Variants in PLSCR4 observed in about 807,000 individuals in gnomAD.
PLSCR4 encodes Ca(2+)-dependent phospholipid scramblase 4.
A neutral mutation model predicts 36.3 loss-of-function variants in PLSCR4; 25 were observed. The observed-to-expected ratio is 0.69, with a 90% CI of 0.50 to 0.96. The LOEUF (loss-of-function observed/expected upper bound fraction) is 0.96, where lower values mean the gene tolerates loss of function less well. PLSCR4 is among the 40% of genes least tolerant of loss of function. PLSCR4 has a pLI of 0.00. For synonymous variants in PLSCR4, 122 were observed against 132.9 expected, an observed-to-expected ratio of 0.92 and a Z score of 0.56; for missense variants, 408 against 414.7, an observed-to-expected ratio of 0.98 and a Z score of 0.14.
At chr3:146,203,443 T>C (rs1037154969) in intron 4 of PLSCR4, among the ~76,000 whole-genome samples, 3 of 152,150 alleles carry the variant, frequency 2.0e-5, no homozygotes, top group African/African-American at 7.2e-5. Flanking sequence ...TTTTTAGCTA[T>C]GAAAGTCCTA....
intron 1 of PLSCR4, among the ~76,000 whole-genome samples, chr3:146,229,935 T>A (rs527758241): frequency 6.6e-6 from 1 of 152,192 alleles, no homozygotes; most frequent in Non-Finnish European, 1.5e-5. Flanking sequence ...ATTTTTATCC[T>A]TTATAATAAA....
intron 1 of PLSCR4, among the ~76,000 whole-genome samples, chr3:146,244,901 T>C (rs2036283015): frequency 6.6e-6 from 1 of 152,092 alleles, no homozygotes; most frequent in African/African-American, 2.4e-5. Flanking sequence ...CTAGGCAACG[T>C]AAATTGAAAA....
intron 4 of PLSCR4, among the ~76,000 whole-genome samples, chr3:146,203,046 C>T (rs993451763): frequency 6.6e-6 from 1 of 151,944 alleles, no homozygotes; most frequent in African/African-American, 2.4e-5. Context: ...TTCTCCCAAA[C>T]ACCTGTTAAT....
At chr3:146,212,911 G>A (rs1559908953) in intron 3 of PLSCR4, among the ~76,000 whole-genome samples, 1 of 152,044 alleles carries the variant, frequency 6.6e-6, no homozygotes, top group African/African-American at 2.4e-5. Context: ...TTTCTTAAGT[G>A]TTTTTATCAT....
At chr3:146,241,975 C>A (rs1287070237) in intron 1 of PLSCR4, among the ~76,000 whole-genome samples, 1 of 152,122 alleles carries the variant, frequency 6.6e-6, no homozygotes, top group Non-Finnish European at 1.5e-5. Context: ...CAGACTGCAA[C>A]TTGATTTGAG....
chr3:146,238,352 C>T (rs978575265), intron 1 of PLSCR4, among the ~76,000 whole-genome samples: 1 of 151,842 alleles, frequency 6.6e-6, no homozygotes, highest in South Asian at 2.1e-4. Flanking sequence ...GACAACACAA[C>T]AAAACTACAC....
chr3:146,206,829 G>GC, intron 3 of PLSCR4, 68 bp from the exon 4 acceptor site: 3 of 940,778 alleles, frequency 3.2e-6, no homozygotes, highest in Non-Finnish European at 4.9e-6. Context: ...TTTTACATGC[G>GC]ATGAAATAGA....
chr3:146,238,268 G>A (rs538572104), intron 1 of PLSCR4, among the ~76,000 whole-genome samples: 1 of 150,466 alleles, frequency 6.6e-6, no homozygotes, highest in South Asian at 2.1e-4. Context: ...AATAAGGAAT[G>A]AATATCAACC....
chr3:146,194,418 G>A lies in PLSCR4; in HGVS notation c.983C>T (p.Ser328Leu). Residue 328 changes from serine to leucine, a missense_variant, in exon 9 of 9, where the codon TCA becomes TTA. Coordinates refer to ENST00000354952, the MANE Select transcript of PLSCR4 (RefSeq NM_020353.3). Reference sequence around the variant, plus strand: ...ATGGCTTGCTGTGTCTCTCTATCTTGAACGTTGTGGTGGAGATCTTTCAAA... The same window carrying A: ...ATGGCTTGCTGTGTCTCTCTATCTTAAACGTTGTGGTGGAGATCTTTCAAA... ...MYFERSPPQRSR is the reference protein window; with the variant it reads ...MYFERSPPQRLR The A allele has an allele frequency of 6.2e-7, 1 of 1,607,684 alleles. No individual in the cohort carries two copies. The highest frequency in any genetic ancestry group is 8.5e-7 in the Non-Finnish European group (1 of 1,174,408).
intron 1 of PLSCR4, among the ~76,000 whole-genome samples, chr3:146,243,259 A>G (rs1389728815): frequency 3.3e-5 from 5 of 152,018 alleles, no homozygotes; most frequent in Non-Finnish European, 5.9e-5. Context: ...TTATACTTTA[A>G]GTTTTAGGGT....
rs1576492433 is a variant in PLSCR4 at position 146,235,914 on chromosome 3, G to A, written c.-21-13822C>T. On this transcript the variant is annotated intron_variant, in intron 1 of 8. Transcript: ENST00000354952. ...GTGAGACTTTGAACTCGGGAATGAT[G>A]ATTTCGGGTAACTAGCAGAAGAAAT... Among the ~76,000 whole-genome samples the A allele has an allele frequency of 1.3e-5, 2 of 152,232 alleles. 1 individual carries two copies. Among genetic ancestry groups the A allele is most frequent in the Middle Eastern group, 6.8e-3 (2 of 294 alleles).
intron 3 of PLSCR4, among the ~76,000 whole-genome samples, chr3:146,213,893 T>C (rs1430959381): frequency 3.9e-5 from 6 of 152,134 alleles, no homozygotes; most frequent in Non-Finnish European, 7.4e-5. Flanking sequence ...ATTCCTGATT[T>C]TAGTAATATG....
intron 1 of PLSCR4, among the ~76,000 whole-genome samples, chr3:146,226,276 C>A (rs938955372): frequency 6.6e-6 from 1 of 152,118 alleles, no homozygotes; most frequent in Non-Finnish European, 1.5e-5. Flanking sequence ...TATTTATATG[C>A]ATTGCATTAT....
chr3:146,208,221 A>T (rs575044164), intron 3 of PLSCR4, among the ~76,000 whole-genome samples: 1 of 152,324 alleles, frequency 6.6e-6, no homozygotes, highest in East Asian at 1.9e-4. Context: ...ATAATTGGCT[A>T]GCCACATGTA....
intron 1 of PLSCR4, among the ~76,000 whole-genome samples, chr3:146,237,051 A>G (rs34786970): frequency 6.6e-6 from 1 of 150,466 alleles, no homozygotes; most frequent in South Asian, 2.1e-4. Flanking sequence ...AAAAGAAAAG[A>G]AAAAAAAGAG....
chr3:146,214,351 C>A lies in PLSCR4; in HGVS notation c.118+6464G>T, dbSNP rs1177805570. Among the ~76,000 whole-genome samples the A allele has an allele frequency of 1.8e-4, 2 of 11,268 alleles. 1 individual carries two copies. Among genetic ancestry groups the A allele is most frequent in the Admixed American group, 1.6e-3 (2 of 1,248 alleles). The allele number at this position is 11,268 out of a possible 152,430, so 7.4% of individuals were successfully genotyped here. On this transcript the variant is annotated intron_variant, in intron 3 of 8. Coordinates refer to ENST00000354952, the MANE Select transcript of PLSCR4 (RefSeq NM_020353.3). ...TTTTAGCCGGGATGGTCTCGATCTC[C>A]TGACCTCGTGATCCGCCCGCCTTGG...
Position 146,196,678 on chromosome 3 carries a change from C to A in PLSCR4, c.740G>T (p.Arg247Leu). 3 of 1,613,998 alleles carry A rather than the reference C, an allele frequency of 1.9e-6. No individual in the cohort carries two copies. Among genetic ancestry groups the A allele is most frequent in the South Asian group, 1.1e-5 (1 of 91,080 alleles). Residue 247 changes from arginine (R) to leucine (L), a missense_variant, in exon 7 of 9, where the codon CGT becomes CTT. Arg to Leu is a moderately radical substitution (Grantham distance 102, BLOSUM62 -2). Transcript: ENST00000354952. ...ACAGCCATAGGTTGAGCATGGCCCA[C>A]GAACTCTCATCACATTTTCTTTCTT... ...NEKKENVMRV[R>L]GPCSTYGCGS...
chr3:146,199,829 G>A lies in PLSCR4; in HGVS notation c.608C>T (p.Pro203Leu). The change falls in exon 6 of 9, where the codon CCC becomes CTC. Residue 203 changes from proline (P) to leucine (L), a missense_variant. By Grantham distance (98) the Pro-to-Leu change is moderately conservative. Transcript: ENST00000354952. The part of the protein sequence containing the change: ...FRCTCCCFCC[P>L]SARQELEVQC... Reference sequence around the variant, plus strand: ...TTCTCTGACCTCTTGTCTGGCAGAGGGGCAACAGAAGCAACAGCAGGTGCA... The same window carrying A: ...TTCTCTGACCTCTTGTCTGGCAGAGAGGCAACAGAAGCAACAGCAGGTGCA... 1.2e-6 allele frequency: 2 copies of A among 1,612,842 alleles called. No homozygotes were observed. The highest frequency in any genetic ancestry group is 1.7e-6 in the Non-Finnish European group (2 of 1,179,288).
intron 3 of PLSCR4, among the ~76,000 whole-genome samples, chr3:146,210,847 G>GTT (rs33931243): frequency 2.0e-5 from 3 of 148,036 alleles, no homozygotes; most frequent in African/African-American, 7.4e-5. Flanking sequence ...CTTTATGTCT[G>GTT]TTTTTTTTTT....
Sources: gnomAD v4.1 joint callset for allele counts (sites outside exome capture counted in the v4.1 genomes callset) on GRCh38, gnomAD v4.1.1 for gene constraint, MANE v1.5 for transcripts, NCBI Gene and HGNC (gene_info 2026-07-23, HGNC 2026-07-21) for gene names.